Variants in ELAVL4 observed in about 807,000 individuals in gnomAD.
ELAVL4 encodes ELAV-like protein 4.
ELAVL4 carries 1 observed loss-of-function variant against 35.6 expected under a neutral mutation model. The ratio of observed to expected loss-of-function variants is 0.03; its 90% CI spans 0.01 to 0.13. The LOEUF (loss-of-function observed/expected upper bound fraction) is 0.13. ELAVL4 is among the 10% of genes least tolerant of loss of function. The pLI is 1.00. For synonymous variants in ELAVL4, 156 were observed against 171.0 expected, an observed-to-expected ratio of 0.91 and a Z score of 0.69; for missense variants, 267 against 464.9, an observed-to-expected ratio of 0.57 and a Z score of 3.91.
chr1:50,159,831 A>G (rs757331166), intron 2 of ELAVL4, among the ~76,000 whole-genome samples: 1 of 152,138 alleles, frequency 6.6e-6, no homozygotes, highest in Non-Finnish European at 1.5e-5. Flanking sequence ...CAGTTCCTAC[A>G]TGAAGACCTC....
At position 50,201,211 on chromosome 1, in the gene ELAVL4, G is replaced by T; in HGVS notation, c.*33G>T. 2 of 1,510,996 alleles carry T rather than the reference G, an allele frequency of 1.3e-6. No individual in the cohort carries two copies. The highest frequency in any genetic ancestry group is 1.4e-5 in the South Asian group (1 of 73,774). The allele number at this position is 1,510,996 out of a possible 1,614,324, so 93.6% of individuals were successfully genotyped here. The stretch of plus-strand genomic sequence containing the variant: ...ATTCTTACTTACTAAAATATATATA[G>T]AAATATATACGAACAAAACACACGC... On this transcript the variant is annotated 3_prime_UTR_variant, in exon 7 of 7. Coordinates refer to ENST00000371824, the MANE Select transcript of ELAVL4 (RefSeq NM_001144774.3). This position sits in a 1 kb window ranked among gnomAD's most constrained non-coding sequence, Gnocchi z 4.3.
chr1:50,131,458 A>G (rs1005617017), intron 1 of ELAVL4, among the ~76,000 whole-genome samples: 33 of 152,248 alleles, frequency 2.2e-4, no homozygotes, highest in African/African-American at 7.9e-4. Flanking sequence ...TTATGTGGCA[A>G]ATCATAAAAA....
At chr1:50,102,698 GTTGT>G (rs1470246631), upstream of ELAVL4, among the ~76,000 whole-genome samples, 1 of 152,132 alleles carries the variant, frequency 6.6e-6, no homozygotes, top group Non-Finnish European at 1.5e-5. Flanking sequence ...ATATACCAGG[GTTGT>G]TTGTTTGTTT....
intron 1 of ELAVL4, among the ~76,000 whole-genome samples, chr1:50,083,548 T>C (rs1665103384): frequency 6.6e-6 from 1 of 152,192 alleles, no homozygotes. Context: ...TGAGCATGTA[T>C]CTAACTACCT....
chr1:50,188,579 G>A (rs1246371844), intron 3 of ELAVL4, among the ~76,000 whole-genome samples: 5 of 152,130 alleles, frequency 3.3e-5, no homozygotes, highest in South Asian at 2.1e-4. Flanking sequence ...GACACAGTGG[G>A]CTCCATAACA....
At chr1:50,172,207 G>A (rs759204270) in intron 2 of ELAVL4, among the ~76,000 whole-genome samples, 4 of 151,886 alleles carry the variant, frequency 2.6e-5, no homozygotes, top group Non-Finnish European at 4.4e-5. Context: ...TAATCTCCAG[G>A]ATCCTAAAGG....
At chr1:50,141,849 T>G (rs1672873863) in intron 1 of ELAVL4, 1 of 152,232 alleles carries the variant, frequency 6.6e-6, no homozygotes, top group Non-Finnish European at 1.5e-5. Flanking sequence ...CTTAAATTAC[T>G]TACATGATGG....
chr1:50,109,696 T>G, intron 1 of ELAVL4: 1 of 527,680 alleles, frequency 1.9e-6, no homozygotes, highest in Non-Finnish European at 3.4e-6. Context: ...GACTGCGCAG[T>G]CAAAACGGCA....
chr1:50,170,242 C>T (rs1678749167), intron 2 of ELAVL4, among the ~76,000 whole-genome samples: 1 of 152,204 alleles, frequency 6.6e-6, no homozygotes, highest in East Asian at 1.9e-4. Flanking sequence ...TGCATTATCA[C>T]TTTTAATCCT....
chr1:50,072,106 C>T (rs776229421), intron 1 of ELAVL4, among the ~76,000 whole-genome samples: 1 of 151,950 alleles, frequency 6.6e-6, no homozygotes, highest in Non-Finnish European at 1.5e-5. Flanking sequence ...GTCTTCTGTT[C>T]CTGTTTGCAT....
At chr1:50,102,286 AAAAATAAAATAATAAAAT>A (rs1160415969), upstream of ELAVL4, among the ~76,000 whole-genome samples, 3 of 140,684 alleles carry the variant, frequency 2.1e-5, no homozygotes, top group East Asian at 2.1e-4. Flanking sequence ...ACTCCATCTC[AAAAATAAAATAATAAAAT>A]AAAATAAAAT....
In ELAVL4 at chr1:50,073,741, C is replaced by T. The variant is rs565090785; in HGVS notation, c.18+25559C>T. Among the ~76,000 whole-genome samples, 6 of 152,012 alleles carry T rather than the reference C, an allele frequency of 3.9e-5. No individual in the cohort carries two copies. The South Asian group carries it at 6.2e-4, about 16-fold the overall frequency. On this transcript the variant is annotated intron_variant, in intron 1 of 6. Transcript: ENST00000448907. ...ACTGGAGTTTGAGGAATAATGGCTT[C>T]GTAAATGAGAAAAACACCAAGAGCT...
At chr1:50,054,011 C>T (rs1228683185) in intron 1 of ELAVL4, among the ~76,000 whole-genome samples, 1 of 152,082 alleles carries the variant, frequency 6.6e-6, no homozygotes, top group African/African-American at 2.4e-5. Context: ...GGCCATATGG[C>T]AGGAGTATAC....
intron 1 of ELAVL4, among the ~76,000 whole-genome samples, chr1:50,074,575 C>T (rs1664678837): frequency 6.6e-6 from 1 of 152,242 alleles, no homozygotes; most frequent in Non-Finnish European, 1.5e-5. Context: ...AGTCTGTTGC[C>T]TTGAGGAATT....
intron 1 of ELAVL4, among the ~76,000 whole-genome samples, chr1:50,057,447 C>G (rs951314624): frequency 6.6e-6 from 1 of 152,126 alleles, no homozygotes; most frequent in African/African-American, 2.4e-5. Context: ...CAGTAATGTC[C>G]TAGGCCTTCG....
chr1:50,121,138 T>C (rs576490130), intron 1 of ELAVL4, among the ~76,000 whole-genome samples: 34 of 152,202 alleles, frequency 2.2e-4, no homozygotes, highest in Non-Finnish European at 4.1e-4. Flanking sequence ...CTCTGATTTT[T>C]AAAGAGACTG....
chr1:50,176,735 A>G (rs1043348917), intron 2 of ELAVL4, among the ~76,000 whole-genome samples: 3 of 152,198 alleles, frequency 2.0e-5, no homozygotes, highest in African/African-American at 7.2e-5. Context: ...CTCCAGTTTA[A>G]GTCTCTTCTG....
At chr1:50,182,592 G>A (rs1252822143) in intron 3 of ELAVL4, among the ~76,000 whole-genome samples, 2 of 152,146 alleles carry the variant, frequency 1.3e-5, no homozygotes, top group African/African-American at 2.4e-5. Context: ...CAAAAGATCT[G>A]ATCAAAGTAA....
chr1:50,091,971 G>C (rs1308235137), intron 1 of ELAVL4, among the ~76,000 whole-genome samples: 2 of 152,130 alleles, frequency 1.3e-5, no homozygotes, highest in Non-Finnish European at 2.9e-5. Flanking sequence ...ACACAAGATT[G>C]TATCAGCTGA....
Sources: allele counts gnomAD v4.1 joint callset (sites outside exome capture counted in the v4.1 genomes callset), GRCh38; gene constraint gnomAD v4.1.1; non-coding constraint Gnocchi (gnomAD v3.1); transcripts MANE v1.5; gene names NCBI Gene and HGNC (gene_info 2026-07-23, HGNC 2026-07-21).